The following SPRING1 variants were observed in gnomAD, a reference collection of about 807,000 sequenced individuals.
SPRING1 encodes SREBF pathway regulator in golgi 1.
Under a neutral mutation model 24.7 loss-of-function variants are expected in SPRING1, and 14 were observed. The ratio of observed to expected loss-of-function variants is 0.57; its 90% CI spans 0.37 to 0.88. The LOEUF (loss-of-function observed/expected upper bound fraction) is 0.88, where lower values mean the gene tolerates loss of function less well. Among genes scored for constraint, SPRING1 ranks in the 40% least tolerant of loss-of-function variants. The pLI is 0.00. For synonymous variants in SPRING1, 93 were observed against 106.1 expected (o/e 0.88, Z 0.76); for missense variants, 255 against 268.4 (o/e 0.95, Z 0.35).
At chr12:116,726,483 G>GAT (rs1484314070) in intron 1 of SPRING1, among the ~76,000 whole-genome samples, 1 of 152,108 alleles carries the variant, frequency 6.6e-6, no homozygotes, top group Non-Finnish European at 1.5e-5. Flanking sequence ...TCTTTGCAAA[G>GAT]AAAGAACTGG....
At chr12:116,731,703 C>T (rs553451978) in intron 1 of SPRING1, among the ~76,000 whole-genome samples, 1 of 152,256 alleles carries the variant, frequency 6.6e-6, no homozygotes, top group South Asian at 2.1e-4. Context: ...AGAGCTATGA[C>T]GGTGCCACTT....
chr12:116,717,769 G>A lies in SPRING1; in HGVS notation c.*41C>T, dbSNP rs908436892. On this transcript the variant is annotated 3_prime_UTR_variant, in exon 5 of 5. Transcript: ENST00000261318. This position sits in a 1 kb window ranked among gnomAD's most constrained non-coding sequence, Gnocchi z 4.2. ...GGTCCCAGGAGGCGAGTTCTTCAGCGGGGCCTCCTCACCCAGGCTGGAGCA... is the reference window on the plus strand; with the variant it reads ...GGTCCCAGGAGGCGAGTTCTTCAGCAGGGCCTCCTCACCCAGGCTGGAGCA... The A allele has an allele frequency of 5.2e-5, 79 of 1,521,012 alleles. No individual in the cohort carries two copies. Among genetic ancestry groups the A allele is most frequent in the East Asian group, 7.2e-5 (3 of 41,470 alleles). 94.2% of individuals were successfully genotyped at this position (1,521,012 alleles called of 1,614,324 possible).
Position 116,717,726 on chromosome 12 carries a change from GC to G in SPRING1, c.*83del. Reference sequence around the variant, plus strand: ...GCCTTTGTCTTCTTCCTGCAGCCTGGCCCGATGGCTGAAGCTGGGTCCCAGG... The same window carrying G: ...GCCTTTGTCTTCTTCCTGCAGCCTGGCCGATGGCTGAAGCTGGGTCCCAGG... On this transcript the variant is annotated 3_prime_UTR_variant, in exon 5 of 5. Coordinates refer to ENST00000261318, the MANE Select transcript of SPRING1 (RefSeq NM_024738.4). The surrounding 1 kb of genome is among the most constrained non-coding windows in gnomAD (Gnocchi z 4.2). 8.2e-7 allele frequency: 1 copy of G among 1,219,158 alleles called. No homozygotes were observed. The highest frequency in any genetic ancestry group is 1.1e-6 in the Non-Finnish European group (1 of 872,812). The allele number at this position is 1,219,158 out of a possible 1,614,324, so 75.5% of individuals were successfully genotyped here. A position where few individuals can be genotyped will look rare whatever the true frequency, so the allele number is the denominator to read the frequency against.
chr12:116,730,928 A>T (rs960120680), intron 1 of SPRING1, among the ~76,000 whole-genome samples: 4 of 152,264 alleles, frequency 2.6e-5, no homozygotes, highest in African/African-American at 9.6e-5. Context: ...AATGTCTACC[A>T]AATACCCAAA....
chr12:116,718,115 G>A (rs1349599536), intron 4 of SPRING1, among the ~76,000 whole-genome samples: 5 of 152,186 alleles, frequency 3.3e-5, no homozygotes, highest in Admixed American at 2.0e-4. Context: ...ACATAACATC[G>A]CTGTGGGACT....
chr12:116,717,896 G>C lies in SPRING1; in HGVS notation c.535-3C>G. ...TAGGTGTTCTCATGCTGCACGCTCT[G>C]TTGGCAAAAGGAAAATAAGAGCGCA... On this transcript the variant is annotated splice_region_variant and splice_polypyrimidine_tract_variant and intron_variant, in intron 4 of 4. Transcript: ENST00000261318. This position sits in a 1 kb window ranked among gnomAD's most constrained non-coding sequence, Gnocchi z 4.2. 6.3e-7 allele frequency: 1 copy of C among 1,598,484 alleles called. No individual in the cohort carries two copies. The highest frequency in any genetic ancestry group is 8.5e-7 in the Non-Finnish European group (1 of 1,170,562).
Position 116,720,986 on chromosome 12 carries a change from T to C in SPRING1, c.269-539A>G, listed in dbSNP as rs1018498187. Among the ~76,000 whole-genome samples the C allele has an allele frequency of 6.6e-6, 1 of 152,168 alleles. No individual in the cohort carries two copies. Among genetic ancestry groups the C allele is most frequent in the African/African-American group, 2.4e-5 (1 of 41,432 alleles). ...ATATTCACATCTAACCCTTATAAAC[T>C]GATTTATACGTGTACGTGCCACGGA... On this transcript the variant is annotated intron_variant, in intron 2 of 4. Transcript: ENST00000261318. The surrounding 1 kb of genome is among the most constrained non-coding windows in gnomAD (Gnocchi z 4.0).
chr12:116,721,026 G>C (rs903928861), intron 2 of SPRING1, among the ~76,000 whole-genome samples: 1 of 151,932 alleles, frequency 6.6e-6, no homozygotes, highest in African/African-American at 2.4e-5. Context: ...ATCACCCTTT[G>C]GCCTTTGGGA....
At chr12:116,726,492 G>A (rs1014177886) in intron 1 of SPRING1, among the ~76,000 whole-genome samples, 1 of 152,064 alleles carries the variant, frequency 6.6e-6, no homozygotes, top group Non-Finnish European at 1.5e-5. Flanking sequence ...AGAAAGAACT[G>A]GTACTAGCAG....
rs1592912754 is a variant in SPRING1 at position 116,716,431 on chromosome 12, C to A, written c.*1379G>T. The A allele has an allele frequency of 6.6e-6, 1 of 152,500 alleles. No homozygotes were observed. The highest frequency in any genetic ancestry group is 2.4e-5 in the African/African-American group (1 of 41,454). 9.4% of individuals were successfully genotyped at this position (152,500 alleles called of 1,614,324 possible). On this transcript the variant is annotated 3_prime_UTR_variant, in exon 5 of 5. Transcript: ENST00000261318. ...TCAATAAAGTGAACCAAAAAAATTA[C>A]AAAGACCTTGCTCAATCCTGAGGTT...
At chr12:116,736,100 TAAAAAAAAATTGAAA>T (rs1284135932) in intron 1 of SPRING1, among the ~76,000 whole-genome samples, 3 of 29,926 alleles carry the variant, frequency 1.0e-4, no homozygotes, top group Non-Finnish European at 2.1e-4. Flanking sequence ...TTTACCACAA[TAAAAAAAAATTGAAA>T]AAAAAAAAAG....
At position 116,737,983 on chromosome 12, in the gene SPRING1, G is replaced by A. The variant is rs558469330; in HGVS notation, c.-83C>T. 56 of 1,202,070 alleles carry A rather than the reference G, an allele frequency of 4.7e-5. No individual in the cohort carries two copies. The highest frequency in any genetic ancestry group is 5.5e-5 in the Non-Finnish European group (53 of 963,582). The allele number at this position is 1,202,070 out of a possible 1,614,324, so 74.5% of individuals were successfully genotyped here. A position where few individuals can be genotyped will look rare whatever the true frequency, so the allele number is the denominator to read the frequency against. On this transcript the variant is annotated 5_prime_UTR_variant, in exon 1 of 5. Coordinates refer to ENST00000261318, the MANE Select transcript of SPRING1 (RefSeq NM_024738.4). Reference sequence around the variant, plus strand: ...CGGGCGGCATGGCCCCTACGCGCCCGGCAGCCCCATCCCTCCAGGCAGGCG... The same window carrying A: ...CGGGCGGCATGGCCCCTACGCGCCCAGCAGCCCCATCCCTCCAGGCAGGCG...
chr12:116,737,265 G>T (rs1284086552), intron 1 of SPRING1, among the ~76,000 whole-genome samples: 2 of 152,122 alleles, frequency 1.3e-5, no homozygotes, highest in African/African-American at 4.8e-5. Flanking sequence ...CGGACGCCCC[G>T]GCGGCGCCGC....
At position 116,717,312 on chromosome 12, in the gene SPRING1, G is replaced by C. The variant is rs111712015; in HGVS notation, c.*498C>G. On this transcript the variant is annotated 3_prime_UTR_variant, in exon 5 of 5. Coordinates refer to ENST00000261318, the MANE Select transcript of SPRING1 (RefSeq NM_024738.4). The surrounding 1 kb of genome is among the most constrained non-coding windows in gnomAD (Gnocchi z 4.2). ...AAGAATGATTTAACTCCTGAAACTC[G>C]AGAACACAGAACAACAACAAAAATA... 6.6e-6 allele frequency: 1 copy of C among 152,302 alleles called. No individual in the cohort carries two copies. Among genetic ancestry groups the C allele is most frequent in the African/African-American group, 2.4e-5 (1 of 41,428 alleles). 9.4% of individuals were successfully genotyped at this position (152,302 alleles called of 1,614,324 possible).
intron 1 of SPRING1, among the ~76,000 whole-genome samples, chr12:116,735,459 T>C (rs2137048203): frequency 6.6e-6 from 1 of 152,294 alleles, no homozygotes; most frequent in Non-Finnish European, 1.5e-5. Context: ...GGGCCGGGCG[T>C]GGTGGCTGAC....
chr12:116,721,040 C>A (rs1386929180), intron 2 of SPRING1, among the ~76,000 whole-genome samples: 1 of 152,182 alleles, frequency 6.6e-6, no homozygotes, highest in African/African-American at 2.4e-5. Flanking sequence ...TTTGGGAATG[C>A]AGTTCTCTAA....
In SPRING1 at chr12:116,719,853, G is replaced by A. The variant is rs149484642; in HGVS notation, c.444C>T (p.Leu148=). ...TCTGGAATGCCACGGCTGCCCGGTT[G>A]AGGAAGCGCTCCAGGAGAAGTTGCT... ...PNKQLLLERF[L]NRAAVAFQNL... is the part of the protein sequence containing the mutation. Residue 148 remains leucine, a synonymous_variant, in exon 4 of 5, where the codon CTC becomes CTT. Transcript: ENST00000261318. The A allele has an allele frequency of 3.1e-6, 5 of 1,614,182 alleles. No individual in the cohort carries two copies. The highest frequency in any genetic ancestry group is 4.2e-6 in the Non-Finnish European group (5 of 1,180,020).
intron 1 of SPRING1, among the ~76,000 whole-genome samples, chr12:116,733,548 A>G (rs1592924904): frequency 6.6e-6 from 1 of 152,054 alleles, no homozygotes; most frequent in Non-Finnish European, 1.5e-5. Flanking sequence ...CAGGAAAAAA[A>G]GCATATAGAA....
Position 116,716,645 on chromosome 12 carries a change from C to T in SPRING1, c.*1165G>A, listed in dbSNP as rs1482394384. ...ATTCAGGACACACCAGCAACCTACA[C>T]GTGTAGCATTCTCTAAGTCATAATG... On this transcript the variant is annotated 3_prime_UTR_variant, in exon 5 of 5. Transcript: ENST00000261318. 1.3e-5 allele frequency: 2 copies of T among 152,576 alleles called. No homozygotes were observed. The highest frequency in any genetic ancestry group is 2.4e-5 in the African/African-American group (1 of 41,442). 9.5% of individuals were successfully genotyped at this position (152,576 alleles called of 1,614,324 possible). A position where few individuals can be genotyped will look rare whatever the true frequency, so the allele number is the denominator to read the frequency against.
Sources: allele counts gnomAD v4.1 joint callset (sites outside exome capture counted in the v4.1 genomes callset), GRCh38; gene constraint gnomAD v4.1.1; non-coding constraint Gnocchi (gnomAD v3.1); transcripts MANE v1.5; gene names NCBI Gene and HGNC (gene_info 2026-07-23, HGNC 2026-07-21).